Variants in CLNK observed in about 807,000 individuals in gnomAD.
CLNK encodes cytokine dependent hematopoietic cell linker, also known as cytokine-dependent hematopoietic cell linker.
Under a neutral mutation model 68.6 loss-of-function variants are expected in CLNK, and 74 were observed. The observed-to-expected ratio is 1.08, with a 90% CI of 0.89 to 1.31. The LOEUF is 1.31. Among genes scored for constraint, CLNK ranks in the 50% most tolerant of loss-of-function variants. The pLI is 0.00. For synonymous variants in CLNK, 198 were observed against 172.2 expected (o/e 1.15, Z -1.17); for missense variants, 553 against 515.3 (o/e 1.07, Z -0.71).
At chr4:10,725,471 G>A in the CLNK span, among the ~76,000 whole-genome samples, 2 of 152,018 alleles carry the variant, frequency 1.3e-5, no homozygotes, top group Non-Finnish European at 2.9e-5. Flanking sequence ...CTGCAAGGAC[G>A]CCCGTGCAGG....
At chr4:10,718,107 C>T in the CLNK span, among the ~76,000 whole-genome samples, 5 of 152,276 alleles carry the variant, frequency 3.3e-5, 1 homozygote, top group African/African-American at 1.2e-4. Context: ...AAACCTCAAT[C>T]TATGGGCTCA....
intron 2 of CLNK, among the ~76,000 whole-genome samples, chr4:10,612,204 A>G (rs1202560135): frequency 1.3e-5 from 2 of 152,212 alleles, no homozygotes; most frequent in South Asian, 2.1e-4. Context: ...TTATTTCCAT[A>G]TTCCCAGCTC....
At chr4:10,685,217 C>G (rs1379211352), upstream of CLNK, among the ~76,000 whole-genome samples, 1 of 152,104 alleles carries the variant, frequency 6.6e-6, no homozygotes, top group Non-Finnish European at 1.5e-5. Flanking sequence ...GCCTCTTATT[C>G]TTGCTGTATT....
intron 2 of CLNK, among the ~76,000 whole-genome samples, chr4:10,609,089 G>A (rs777413083): frequency 1.2e-3 from 178 of 152,330 alleles, no homozygotes; most frequent in Middle Eastern, 6.8e-3. Context: ...CCTGGGTCAC[G>A]TTAAACAAGA....
At chr4:10,602,160 T>C (rs1259240345) in intron 2 of CLNK, among the ~76,000 whole-genome samples, 2 of 152,200 alleles carry the variant, frequency 1.3e-5, no homozygotes, top group African/African-American at 4.8e-5. Flanking sequence ...ATGATACCCA[T>C]CTAGTCCTCC....
At chr4:10,521,682 C>T (rs551920958) in intron 14 of CLNK, among the ~76,000 whole-genome samples, 98 of 152,308 alleles carry the variant, frequency 6.4e-4, no homozygotes, top group African/African-American at 2.1e-3. Flanking sequence ...TGGATAAAAA[C>T]GCAAGCAGTT....
At chr4:10,616,112 T>C (rs955146275) in intron 2 of CLNK, among the ~76,000 whole-genome samples, 1 of 152,264 alleles carries the variant, frequency 6.6e-6, no homozygotes, top group African/African-American at 2.4e-5. Flanking sequence ...TTTCTAATTA[T>C]TTTACTACAT....
At chr4:10,730,145 T>C in the CLNK span, among the ~76,000 whole-genome samples, 1 of 152,176 alleles carries the variant, frequency 6.6e-6, no homozygotes, top group African/African-American at 2.4e-5. Context: ...TGAGTGTTTC[T>C]GGGCACCTAC....
At chr4:10,612,821 C>A (rs1235581488) in intron 2 of CLNK, among the ~76,000 whole-genome samples, 2 of 152,126 alleles carry the variant, frequency 1.3e-5, no homozygotes, top group Non-Finnish European at 2.9e-5. Context: ...ATCTGTGTTC[C>A]CCAGGGACTG....
chr4:10,590,588 T>C (rs2108840574), intron 3 of CLNK, among the ~76,000 whole-genome samples: 1 of 152,284 alleles, frequency 6.6e-6, no homozygotes, highest in South Asian at 2.1e-4. Flanking sequence ...GCCTTCTCTC[T>C]CTCTCAAACC....
chr4:10,531,365 CT>C (rs1164363996), intron 12 of CLNK: 2 of 153,236 alleles, frequency 1.3e-5, no homozygotes, highest in Non-Finnish European at 2.9e-5. Context: ...GCACTACTTA[CT>C]TTTGACTTTA....
At chr4:10,563,582 G>A (rs558677690) in intron 7 of CLNK, among the ~76,000 whole-genome samples, 1 of 152,232 alleles carries the variant, frequency 6.6e-6, no homozygotes, top group South Asian at 2.1e-4. Context: ...TAAACAATGA[G>A]GCTTCCCCTG....
intron 3 of CLNK, among the ~76,000 whole-genome samples, chr4:10,586,607 C>T (rs747661245): frequency 6.6e-6 from 1 of 152,054 alleles, no homozygotes; most frequent in Non-Finnish European, 1.5e-5. Context: ...GCCACCACGC[C>T]CAGCTTGAAT....
rs534350364 is a variant in CLNK, at chr4:10,601,443, A to G, written c.12-3394T>C. On this transcript the variant is annotated intron_variant, in intron 2 of 18. Transcript: ENST00000226951. ...GTTAAAGCCTGTTTGAAAATTACTT[A>G]CAAAGAGCAACAAGCATTACCAGGT... is the stretch of plus-strand genomic sequence containing the variant. Among the ~76,000 whole-genome samples, 5 of 152,354 alleles carry G rather than the reference A, an allele frequency of 3.3e-5. No individual in the cohort carries two copies. The South Asian group carries it at 8.3e-4, about 25-fold the overall frequency.
chr4:10,657,731 A>G (rs1473396969), intron 2 of CLNK, among the ~76,000 whole-genome samples: 2 of 152,206 alleles, frequency 1.3e-5, no homozygotes, highest in African/African-American at 4.8e-5. Context: ...GGGCAGCAGA[A>G]TCCAGACGGC....
intron 11 of CLNK, among the ~76,000 whole-genome samples, chr4:10,540,030 G>T (rs1008884677): frequency 3.9e-5 from 6 of 152,202 alleles, no homozygotes; most frequent in Non-Finnish European, 8.8e-5. Context: ...AGGTATAACT[G>T]GTTAGGCTTT....
At chr4:10,550,417 C>G (rs538999893) in intron 8 of CLNK, among the ~76,000 whole-genome samples, 1 of 152,216 alleles carries the variant, frequency 6.6e-6, no homozygotes, top group East Asian at 1.9e-4. Context: ...ATGGTGTGAA[C>G]CCGGGAGGCG....
Position 10,488,808 on chromosome 4 carries a change from G to C in CLNK, c.*1659C>G, listed in dbSNP as rs751036270. 6.6e-6 allele frequency: 1 copy of C among 152,146 alleles called. No homozygotes were observed. The highest frequency in any genetic ancestry group is 6.5e-5 in the Admixed American group (1 of 15,276). 9.4% of individuals were successfully genotyped at this position (152,146 alleles called of 1,614,324 possible). ...GCTGTCTTACAAAAGAGATAATCCT[G>C]CACATTGTTTTTATTGTTTTCATTT... On this transcript the variant is annotated 3_prime_UTR_variant, in exon 19 of 19. Coordinates refer to ENST00000226951, the MANE Select transcript of CLNK (RefSeq NM_052964.4).
At chr4:10,548,174 T>TG (rs1341489595) in intron 8 of CLNK, among the ~76,000 whole-genome samples, 11 of 152,176 alleles carry the variant, frequency 7.2e-5, no homozygotes, top group Admixed American at 2.0e-4. Flanking sequence ...TTTGTGTGTG[T>TG]TTTTTAAGTA....
Sources: allele counts gnomAD v4.1 joint callset (sites outside exome capture counted in the v4.1 genomes callset), GRCh38; gene constraint gnomAD v4.1.1; transcripts MANE v1.5; gene names NCBI Gene and HGNC (gene_info 2026-07-23, HGNC 2026-07-21).